Variants in NRXN3 observed in about 807,000 individuals in gnomAD.
NRXN3 encodes the protein neurexin III.
A neutral mutation model predicts 137.6 loss-of-function variants in NRXN3; 32 were observed. That is an observed-to-expected ratio of 0.23 (90% CI 0.18 to 0.31). NRXN3 has a LOEUF of 0.31. Among genes scored for constraint, NRXN3 ranks in the 10% least tolerant of loss-of-function variants. The pLI, the probability that NRXN3 is intolerant of heterozygous loss-of-function variation, is 1.00. For missense variants in NRXN3, 1,574 were observed against 2,062.5 expected, an observed-to-expected ratio of 0.76 and a Z score of 4.59; for synonymous variants, 798 against 784.5, an observed-to-expected ratio of 1.02 and a Z score of -0.29.
At chr14:78,280,910 T>C (rs989979487) in intron 3 of NRXN3, among the ~76,000 whole-genome samples, 1 of 152,194 alleles carries the variant, frequency 6.6e-6, no homozygotes, top group Non-Finnish European at 1.5e-5. Context: ...CTGAGGTGTG[T>C]AGCCCGAGTG....
At chr14:79,509,342 C>T (rs2096909734) in intron 16 of NRXN3, among the ~76,000 whole-genome samples, 1 of 152,024 alleles carries the variant, frequency 6.6e-6, no homozygotes, top group Non-Finnish European at 1.5e-5. Flanking sequence ...CATGTCTCTA[C>T]TAAAAATACA....
intron 16 of NRXN3, among the ~76,000 whole-genome samples, chr14:79,566,936 T>G (rs545875972): frequency 6.6e-6 from 1 of 152,272 alleles, no homozygotes; most frequent in East Asian, 1.9e-4. Context: ...TGGTAAAACT[T>G]ATATATTATC....
chr14:78,304,003 T>G (rs1191694636), intron 4 of NRXN3, among the ~76,000 whole-genome samples: 1 of 152,174 alleles, frequency 6.6e-6, no homozygotes, highest in Non-Finnish European at 1.5e-5. Flanking sequence ...TTAACTGAAC[T>G]AAACAACTGA....
rs752873420 is a variant in NRXN3 at position 79,697,590 on chromosome 14, C to T, written c.3707-40C>T. ...GACCAGGTAAGGCAAACAAGGAAAA[C>T]GTATGAGAATAATAATGTTTCCTCC... On this transcript the variant is annotated intron_variant, in intron 18 of 20. Coordinates refer to ENST00000335750, the MANE Select transcript of NRXN3 (RefSeq NM_001330195.2). 2.3e-5 allele frequency: 36 copies of T among 1,585,204 alleles called. 1 individual carries two copies. Among genetic ancestry groups the T allele is most frequent in the East Asian group, 4.5e-5 (2 of 44,518 alleles).
At chr14:79,615,282 T>C (rs2098142330) in intron 16 of NRXN3, among the ~76,000 whole-genome samples, 1 of 152,186 alleles carries the variant, frequency 6.6e-6, no homozygotes, top group African/African-American at 2.4e-5. Flanking sequence ...ATCTTCAAGG[T>C]ACCTAAGTAA....
intron 20 of NRXN3, 67 bp downstream of exon 20, chr14:79,805,257 A>C (rs1020011415): frequency 4.5e-6 from 5 of 1,102,272 alleles, no homozygotes; most frequent in Non-Finnish European, 6.9e-6. Context: ...ACATACATAT[A>C]TGTGATTATA....
chr14:79,619,907 C>T (rs751237589), intron 16 of NRXN3, among the ~76,000 whole-genome samples: 1 of 152,028 alleles, frequency 6.6e-6, no homozygotes, highest in Non-Finnish European at 1.5e-5. Context: ...TTCACAGAAA[C>T]GAGGCTCCTT....
At chr14:79,036,867 C>T (rs1595208021) in intron 15 of NRXN3, among the ~76,000 whole-genome samples, 1 of 151,706 alleles carries the variant, frequency 6.6e-6, no homozygotes, top group Admixed American at 6.6e-5. Context: ...AGGTGGAGTT[C>T]CTTGGGTTAA....
chr14:78,446,972 T>G (rs932248594), intron 4 of NRXN3, among the ~76,000 whole-genome samples: 2 of 152,198 alleles, frequency 1.3e-5, no homozygotes, highest in African/African-American at 4.8e-5. Context: ...ATTTAAAGAA[T>G]GGTGTTGGGC....
At chr14:79,547,721 A>G (rs1199086759) in intron 16 of NRXN3, among the ~76,000 whole-genome samples, 1 of 152,132 alleles carries the variant, frequency 6.6e-6, no homozygotes, top group Non-Finnish European at 1.5e-5. Flanking sequence ...CATTTACAGC[A>G]TGGGTTCATT....
At chr14:78,321,987 A>G (rs2079429269) in intron 4 of NRXN3, among the ~76,000 whole-genome samples, 1 of 151,866 alleles carries the variant, frequency 6.6e-6, no homozygotes, top group Non-Finnish European at 1.5e-5. Flanking sequence ...CCTACTTTGG[A>G]CTGTTCACCA....
intron 4 of NRXN3, among the ~76,000 whole-genome samples, chr14:78,314,667 GGGGCCT>G (rs2078347624): frequency 6.6e-6 from 1 of 152,188 alleles, no homozygotes; most frequent in Non-Finnish European, 1.5e-5. Flanking sequence ...AACAGGATAA[GGGGCCT>G]GGTGGCTACA....
At chr14:79,526,784 G>A (rs60586352) in intron 16 of NRXN3, among the ~76,000 whole-genome samples, 10,126 of 152,162 alleles carry the variant, frequency 0.067, 757 homozygotes, top group African/African-American at 0.18. Flanking sequence ...AAACGAACGT[G>A]AGAGACACTT....
intron 4 of NRXN3, among the ~76,000 whole-genome samples, chr14:78,434,630 G>A (rs2094000444): frequency 6.6e-6 from 1 of 152,138 alleles, no homozygotes; most frequent in African/African-American, 2.4e-5. Context: ...CAAAGGTGAG[G>A]GTCATTGGAG....
intron 18 of NRXN3, 90 bp downstream of exon 18, chr14:79,692,352 T>TCGC: frequency 2.2e-6 from 2 of 922,630 alleles, no homozygotes; most frequent in South Asian, 3.1e-5. Flanking sequence ...TAAATGATAA[T>TCGC]CGCCTGCTGC....
Position 78,271,487 on chromosome 14 carries a change from A to AAC in NRXN3, c.710-7157_710-7156insCA, listed in dbSNP as rs1555438738. Among the ~76,000 whole-genome samples the AAC allele has an allele frequency of 1.4e-3, 167 of 122,728 alleles. 1 individual carries two copies. The highest frequency in any genetic ancestry group is 4.1e-3 in the African/African-American group (159 of 38,466). The allele number at this position is 122,728 out of a possible 152,430, so 80.5% of individuals were successfully genotyped here. A position where few individuals can be genotyped will look rare whatever the true frequency, so the allele number is the denominator to read the frequency against. On this transcript the variant is annotated intron_variant, in intron 2 of 20. Transcript: ENST00000335750. The stretch of plus-strand genomic sequence containing the variant: ...ACTTCTAAAGCATTTAAAAAAAAAA[A>AAC]AAAACAAAAGGGCTGTCTGCACTGA...
intron 16 of NRXN3, among the ~76,000 whole-genome samples, chr14:79,467,751 G>A (rs1162508100): frequency 2.0e-5 from 3 of 152,078 alleles, no homozygotes; most frequent in African/African-American, 4.8e-5. Flanking sequence ...AAAGCCAAGT[G>A]GAATGTTAAC....
intron 15 of NRXN3, among the ~76,000 whole-genome samples, chr14:79,329,046 A>G (rs1288729210): frequency 6.6e-6 from 1 of 152,150 alleles, no homozygotes; most frequent in South Asian, 2.1e-4. Context: ...TTAGTCATTT[A>G]TGTTTCTTAG....
chr14:79,514,616 T>C (rs114586658), intron 16 of NRXN3, among the ~76,000 whole-genome samples: 4,013 of 152,274 alleles, frequency 0.026, 79 homozygotes, highest in South Asian at 0.088. Context: ...TCTGTTAATA[T>C]ATGAATTTAA....
Sources: allele counts gnomAD v4.1 joint callset (sites outside exome capture counted in the v4.1 genomes callset), GRCh38; gene constraint gnomAD v4.1.1; transcripts MANE v1.5; gene names NCBI Gene and HGNC (gene_info 2026-07-23, HGNC 2026-07-21).